Variants in HEG1 observed in about 807,000 individuals in gnomAD.
HEG1 encodes the protein heart development protein with EGF like domains 1, also known as protein HEG homolog 1.
A neutral mutation model predicts 125.6 loss-of-function variants in HEG1; 56 were observed. The observed-to-expected ratio is 0.45, with a 90% CI of 0.36 to 0.56. The LOEUF is 0.56. Among genes scored for constraint, HEG1 ranks in the 20% least tolerant of loss-of-function variants. The pLI, the probability that HEG1 is intolerant of heterozygous loss-of-function variation, is 0.00. For missense variants in HEG1, 1,523 were observed against 1,670.0 expected (o/e 0.91, Z 1.53); for synonymous variants, 644 against 668.5 (o/e 0.96, Z 0.57).
chr3:125,052,255 C>A lies in HEG1; in HGVS notation c.316+3320G>T, dbSNP rs527282936. ...GAGGTAGCCGCCTTCTGGAGGGAAG[C>A]CACTCTCCCCTCCCTGAGGGGCTGT... is the stretch of plus-strand genomic sequence containing the variant. On this transcript the variant is annotated intron_variant, in intron 1 of 16. Coordinates refer to ENST00000311127, the MANE Select transcript of HEG1 (RefSeq NM_020733.2). Among the ~76,000 whole-genome samples the A allele has an allele frequency of 2.6e-5, 4 of 152,062 alleles. No homozygotes were observed. The East Asian group carries it at 7.8e-4, about 30-fold the overall frequency.
chr3:125,055,810 G>GGCC lies in HEG1; in HGVS notation c.78_80dup (p.Ala27dup). The GGCC allele has an allele frequency of 4.1e-6, 4 of 981,274 alleles. No homozygotes were observed. The highest frequency in any genetic ancestry group is 4.8e-6 in the Non-Finnish European group (4 of 827,484). 60.8% of individuals were successfully genotyped at this position (981,274 alleles called of 1,614,324 possible). On this transcript the variant is annotated inframe_insertion, in exon 1 of 17. Transcript: ENST00000311127. ...AAGGCGGCGGGTCCCGCGTCCCGGG[G>GGCC]GCCGCCGGCGGCAGCAGCAGCAGCG...
chr3:125,033,991 T>C (rs1452985766), intron 1 of HEG1, among the ~76,000 whole-genome samples: 1 of 50,942 alleles, frequency 2.0e-5, no homozygotes, highest in Non-Finnish European at 3.6e-5. Context: ...CGTGGAAAAA[T>C]TGTCTTCCAT....
intron 16 of HEG1, chr3:124,971,012 G>T: frequency 1.6e-6 from 1 of 623,802 alleles, no homozygotes; most frequent in South Asian, 1.7e-5. Flanking sequence ...CAACCATGCA[G>T]AAGGCAACTG....
intron 1 of HEG1, among the ~76,000 whole-genome samples, chr3:125,043,799 C>A (rs1337709283): frequency 6.6e-6 from 1 of 152,000 alleles, no homozygotes; most frequent in Non-Finnish European, 1.5e-5. Flanking sequence ...GGCAGGGCTC[C>A]ACCAAAGGAG....
chr3:125,009,472 T>C (rs369361301), intron 8 of HEG1: 8 of 324,068 alleles, frequency 2.5e-5, no homozygotes, highest in African/African-American at 1.5e-4. Flanking sequence ...TATACAGATA[T>C]CCTATGATTT....
chr3:125,050,198 T>C (rs1236020886), intron 1 of HEG1, among the ~76,000 whole-genome samples: 2 of 150,006 alleles, frequency 1.3e-5, no homozygotes, highest in South Asian at 2.1e-4. Flanking sequence ...AGCTAGAGTG[T>C]AGTGGTGTAC....
chr3:125,017,143 C>T (rs1337335206), intron 5 of HEG1, among the ~76,000 whole-genome samples: 1 of 151,904 alleles, frequency 6.6e-6, no homozygotes, highest in East Asian at 1.9e-4. Context: ...CAACCTCCAC[C>T]TCACAGGTTC....
At position 125,005,371 on chromosome 3, in the gene HEG1, G is replaced by GA; in HGVS notation, c.3194-4dup. 6.8e-7 allele frequency: 1 copy of GA among 1,470,458 alleles called. No individual in the cohort carries two copies. The highest frequency in any genetic ancestry group is 9.4e-7 in the Non-Finnish European group (1 of 1,067,290). 91.1% of individuals were successfully genotyped at this position (1,470,458 alleles called of 1,614,324 possible). On this transcript the variant is annotated splice_region_variant and splice_polypyrimidine_tract_variant and intron_variant, in intron 8 of 16. Coordinates refer to ENST00000311127, the MANE Select transcript of HEG1 (RefSeq NM_020733.2). The stretch of plus-strand genomic sequence containing the variant: ...AAACTCTGTCACGAAGGTTCTAACT[G>GA]AAAATGAAAATGTAACTTGTTAGAT...
Position 125,012,657 on chromosome 3 carries a change from T to C in HEG1, c.2922A>G (p.Thr974=), listed in dbSNP as rs1261170286. The part of the protein sequence containing the change: ...KSATFAVQSS[T]QSPTTVSSSA... Reference sequence around the variant, plus strand: ...AAGAGGACACTGTTGTTGGTGACTGTGTGCTGCTCTGAACAGCAAAGGTGG... The same window carrying C: ...AAGAGGACACTGTTGTTGGTGACTGCGTGCTGCTCTGAACAGCAAAGGTGG... The change falls in exon 6 of 17, where the codon ACA becomes ACG. Residue 974 remains threonine, a synonymous_variant. Coordinates refer to ENST00000311127, the MANE Select transcript of HEG1 (RefSeq NM_020733.2). The C allele has an allele frequency of 6.2e-7, 1 of 1,613,762 alleles. No homozygotes were observed. The highest frequency in any genetic ancestry group is 8.5e-7 in the Non-Finnish European group (1 of 1,179,844).
Position 125,013,443 on chromosome 3 carries a change from C to A in HEG1, c.2136G>T (p.Trp712Cys). ...LKSTSDASTP[W>C]SSSPSPLPVS... The stretch of plus-strand genomic sequence containing the variant: ...CTGGTAAAGGTGATGGTGAGGAAGA[C>A]CATGGTGTGGATGCATCAGAGGTAG... Residue 712 changes from tryptophan (W) to cysteine (C), a missense_variant, in exon 6 of 17, where the codon TGG (tryptophan) becomes TGT (cysteine). Trp to Cys is a radical substitution (Grantham distance 215). Transcript: ENST00000311127. 6.2e-7 allele frequency: 1 copy of A among 1,613,830 alleles called. No homozygotes were observed. Among genetic ancestry groups the A allele is most frequent in the Non-Finnish European group, 8.5e-7 (1 of 1,179,846 alleles).
At chr3:125,021,233 C>G (rs1358430492) in intron 3 of HEG1, 103 bp from the exon 4 acceptor site, 1 of 840,328 alleles carries the variant, frequency 1.2e-6, no homozygotes, top group Admixed American at 2.7e-5. Context: ...GTGGATACAT[C>G]TAAATACCAT....
intron 3 of HEG1, among the ~76,000 whole-genome samples, chr3:125,025,877 G>A (rs1276240899): frequency 6.6e-6 from 1 of 152,196 alleles, no homozygotes; most frequent in Non-Finnish European, 1.5e-5. Context: ...TCCAAATCCA[G>A]TCAGCAGGAA....
chr3:125,021,766 T>G (rs571971046), intron 3 of HEG1, among the ~76,000 whole-genome samples: 1 of 152,210 alleles, frequency 6.6e-6, no homozygotes, highest in Non-Finnish European at 1.5e-5. Context: ...CAAACTGCAT[T>G]TATTAAGTAA....
At chr3:124,986,753 A>G (rs1936745926) in intron 14 of HEG1, among the ~76,000 whole-genome samples, 2 of 152,332 alleles carry the variant, frequency 1.3e-5, no homozygotes, top group South Asian at 4.1e-4. Context: ...TGGGAAGGAA[A>G]AGGAAGTCTG....
chr3:125,036,079 A>G (rs544032063), intron 1 of HEG1, among the ~76,000 whole-genome samples: 2 of 151,838 alleles, frequency 1.3e-5, no homozygotes, highest in South Asian at 4.2e-4. Context: ...GCATGGTGGC[A>G]CATGCCTGTA....
chr3:125,010,372 A>G, intron 7 of HEG1, 67 bp downstream of exon 7: 1 of 901,636 alleles, frequency 1.1e-6, no homozygotes, highest in Non-Finnish European at 1.7e-6. Context: ...TGGAGGAAAA[A>G]GGAGTTTATT....
intron 5 of HEG1, chr3:125,014,891 C>T: frequency 6.2e-6 from 8 of 1,289,844 alleles, no homozygotes; most frequent in Non-Finnish European, 8.1e-6. Flanking sequence ...GTGTGCGTTC[C>T]CCGTTTCCAG....
At position 125,055,808 on chromosome 3, in the gene HEG1, G is replaced by C; in HGVS notation, c.83C>G (p.Pro28Arg). Residue 28 changes from proline to arginine, a missense_variant, in exon 1 of 17, where the codon CCC becomes CGC. By Grantham distance (103) the Pro-to-Arg change is moderately radical. Coordinates refer to ENST00000311127, the MANE Select transcript of HEG1 (RefSeq NM_020733.2). ...LPLLLLPPAA[P>R]GTRDPPPSPA... Reference sequence around the variant, plus strand: ...GGAAGGCGGCGGGTCCCGCGTCCCGGGGGCCGCCGGCGGCAGCAGCAGCAG... The same window carrying C: ...GGAAGGCGGCGGGTCCCGCGTCCCGCGGGCCGCCGGCGGCAGCAGCAGCAG... 1 of 982,866 alleles carries C rather than the reference G, an allele frequency of 1.0e-6. No individual in the cohort carries two copies. The highest frequency in any genetic ancestry group is 1.2e-6 in the Non-Finnish European group (1 of 828,896). 60.9% of individuals were successfully genotyped at this position (982,866 alleles called of 1,614,324 possible). A position where few individuals can be genotyped will look rare whatever the true frequency, so the allele number is the denominator to read the frequency against.
At chr3:124,973,015 CTATTATTAT>C (rs58802991) in intron 16 of HEG1, among the ~76,000 whole-genome samples, 4 of 150,134 alleles carry the variant, frequency 2.7e-5, no homozygotes, top group Non-Finnish European at 4.4e-5. Context: ...TTTATTATTG[CTATTATTAT>C]TATTATTATT....
Sources: allele counts gnomAD v4.1 joint callset (sites outside exome capture counted in the v4.1 genomes callset), GRCh38; gene constraint gnomAD v4.1.1; transcripts MANE v1.5; gene names NCBI Gene and HGNC (gene_info 2026-07-23, HGNC 2026-07-21).